ATPAF1: variants seen among roughly 807,000 people sequenced by gnomAD.
ATPAF1 encodes the protein homolog of yeast ATP11.
In ATPAF1, 26 loss-of-function variants were observed where a neutral mutation model predicts 43.9. That is an observed-to-expected ratio of 0.59 (90% confidence interval 0.43 to 0.82). The LOEUF is 0.82. Ranked by LOEUF, ATPAF1 falls within the 40% of genes least tolerant of loss-of-function variation. The probability of loss-of-function intolerance (pLI) is 0.00; values close to 1 mark genes in which losing one functional copy is unlikely to be tolerated. For synonymous variants in ATPAF1, 157 were observed against 168.0 expected, an observed-to-expected ratio of 0.93 and a Z score of 0.50; for missense variants, 366 against 435.0, an observed-to-expected ratio of 0.84 and a Z score of 1.41.
rs764433291 is a variant in ATPAF1, at chr1:46,635,831, TC to T, written c.931del (p.Glu311SerfsTer9). On this transcript the variant is annotated frameshift_variant, in exon 9 of 9. Transcript: ENST00000574428. LOFTEE classifies it high-confidence loss of function. ...CAGTTCTGCTCCAAGTCCGCTTTGCTCCAATTCAGCGATGACAGACATATAT... is the reference window on the plus strand; with the variant it reads ...CAGTTCTGCTCCAAGTCCGCTTTGCTCAATTCAGCGATGACAGACATATAT... The T allele has an allele frequency of 6.2e-7, 1 of 1,614,234 alleles. No individual in the cohort carries two copies. Among genetic ancestry groups the T allele is most frequent in the Non-Finnish European group, 8.5e-7 (1 of 1,180,046 alleles).
downstream of ATPAF1, chr1:46,632,944 G>C (rs1321695955): frequency 6.6e-6 from 1 of 152,552 alleles, no homozygotes; most frequent in Non-Finnish European, 1.5e-5. Flanking sequence ...AAAGAACAGA[G>C]GAACCTAAAT....
intron 7 of ATPAF1, among the ~76,000 whole-genome samples, chr1:46,643,738 C>A (rs1675989358): frequency 6.6e-6 from 1 of 152,166 alleles, no homozygotes. Context: ...GTAGCAGGAG[C>A]TGCAGAGTTT....
chr1:46,668,117 G>C lies in ATPAF1; in HGVS notation c.206C>G (p.Ala69Gly), dbSNP rs1483123653. 1 of 1,440,722 alleles carries C rather than the reference G, an allele frequency of 6.9e-7. No homozygotes were observed. Among genetic ancestry groups the C allele is most frequent in the South Asian group, 1.4e-5 (1 of 70,940 alleles). The allele number at this position is 1,440,722 out of a possible 1,614,324, so 89.2% of individuals were successfully genotyped here. A position where few individuals can be genotyped will look rare whatever the true frequency, so the allele number is the denominator to read the frequency against. Residue 69 changes from alanine to glycine, a missense_variant, in exon 1 of 9, where the codon GCC becomes GGC. Coordinates refer to ENST00000574428, the Ensembl canonical transcript of ATPAF1. The surrounding 1 kb of genome is among the most constrained non-coding windows in gnomAD (Gnocchi z 4.4). ...GTAGAAAGGGTTGGCCTGGAGCTCGGCCTCGGCCCCGACCCCGCTGCTGTC... is the reference window on the plus strand; with the variant it reads ...GTAGAAAGGGTTGGCCTGGAGCTCGCCCTCGGCCCCGACCCCGCTGCTGTC...
At chr1:46,668,518 C>T (rs1188748743), upstream of ATPAF1, 2 of 654,230 alleles carry the variant, frequency 3.1e-6, no homozygotes, top group Non-Finnish European at 4.0e-6. This position sits in a 1 kb window ranked among gnomAD's most constrained non-coding sequence, Gnocchi z 4.4. Flanking sequence ...CGGCACTGCG[C>T]GCTCTCGCCG....
chr1:46,633,938 T>C (rs1215125233), downstream of ATPAF1: 2 of 430,450 alleles, frequency 4.6e-6, no homozygotes, highest in African/African-American at 4.1e-5. Context: ...TTAATGAAAA[T>C]GGCAGGGCAG....
At chr1:46,635,499 CTGTCTTGTAG>C in exon 9 of ATPAF1, 1 of 412,138 alleles carries the variant, frequency 2.4e-6, no homozygotes, top group East Asian at 3.9e-5. Context: ...ATCAAGTCAA[CTGTCTTGTAG>C]GTCCTTGGCT....
intron 2 of ATPAF1, among the ~76,000 whole-genome samples, chr1:46,663,545 A>AT (rs1397246622): frequency 2.0e-5 from 3 of 151,774 alleles, no homozygotes; most frequent in Non-Finnish European, 4.4e-5. Context: ...GATGATGAGC[A>AT]TTTTTTCATG....
At chr1:46,656,067 G>A (rs1676266510) in intron 4 of ATPAF1, among the ~76,000 whole-genome samples, 1 of 152,192 alleles carries the variant, frequency 6.6e-6, no homozygotes, top group African/African-American at 2.4e-5. Flanking sequence ...TAAGAAACAT[G>A]TAATCTAAAA....
intron 6 of ATPAF1, 119 bp downstream of exon 6, chr1:46,652,462 T>G (rs1350917448): frequency 2.0e-6 from 2 of 996,182 alleles, no homozygotes; most frequent in African/African-American, 3.3e-5. Context: ...GTGAGCATCT[T>G]TATTAAGTAA....
At chr1:46,636,930 G>A (rs1040257768) in intron 8 of ATPAF1, among the ~76,000 whole-genome samples, 1 of 152,132 alleles carries the variant, frequency 6.6e-6, no homozygotes, top group Admixed American at 6.5e-5. Context: ...ATGTGAGTGG[G>A]GCTGGATGCA....
At chr1:46,654,561 G>A (rs647047) in intron 4 of ATPAF1, among the ~76,000 whole-genome samples, 57,775 of 120,710 alleles carry the variant, frequency 0.48, 12,913 homozygotes, top group East Asian at 0.77. Flanking sequence ...TATTATTATT[G>A]TACTTTAAGT....
At chr1:46,632,942 G>A (rs1332941803), downstream of ATPAF1, 1 of 152,638 alleles carries the variant, frequency 6.6e-6, no homozygotes, top group Non-Finnish European at 1.5e-5. Context: ...ACAAAGAACA[G>A]AGGAACCTAA....
chr1:46,665,654 G>T, intron 1 of ATPAF1: 1 of 1,534,664 alleles, frequency 6.5e-7, no homozygotes, highest in Non-Finnish European at 8.7e-7. Flanking sequence ...TACATTCAGG[G>T]TACTTAGAAT....
In ATPAF1 at chr1:46,643,844, T is replaced by C. The variant is rs1675990765; in HGVS notation, c.685-543A>G. On this transcript the variant is annotated intron_variant, in intron 7 of 8. Transcript: ENST00000574428. The stretch of plus-strand genomic sequence containing the variant: ...GAAGGATGGAAACACCATGATTTTA[T>C]GAAGAATGATCAGGGCAGTGGTTAC... Among the ~76,000 whole-genome samples, 4 of 152,134 alleles carry C rather than the reference T, an allele frequency of 2.6e-5. No individual in the cohort carries two copies. The South Asian group carries it at 8.3e-4, about 31-fold the overall frequency.
downstream of ATPAF1, chr1:46,633,761 T>TC (rs201606021): frequency 0.014 from 6,373 of 456,268 alleles, 75 homozygotes; most frequent in Middle Eastern, 0.021. Flanking sequence ...TACTCCTTTT[T>TC]CCATCATTTC....
intron 1 of ATPAF1, chr1:46,666,359 C>G (rs1557430556): frequency 6.6e-6 from 1 of 152,444 alleles, no homozygotes; most frequent in Non-Finnish European, 1.5e-5. Context: ...GGGGGCTGTA[C>G]CAGGACCAGG....
At chr1:46,635,746 C>A in exon 9 of ATPAF1, 1 of 1,590,954 alleles carries the variant, frequency 6.3e-7, no homozygotes, top group Non-Finnish European at 8.6e-7. Context: ...AGGGCTGAGT[C>A]AACTAGGTGA....
chr1:46,667,348 C>T (rs2148829120), intron 1 of ATPAF1, among the ~76,000 whole-genome samples: 1 of 152,314 alleles, frequency 6.6e-6, no homozygotes, highest in African/African-American at 2.4e-5. Context: ...TAATTTTCAC[C>T]TCTGATCTCC....
chr1:46,645,346 C>T lies in ATPAF1; in HGVS notation c.589-90G>A. On this transcript the variant is annotated intron_variant, in intron 6 of 8. Transcript: ENST00000574428. ...ACCTGTAACATTCATTCCATTTCCTCCATATTTGGTTTTTAAAATATTTTT... is the reference window on the plus strand; with the variant it reads ...ACCTGTAACATTCATTCCATTTCCTTCATATTTGGTTTTTAAAATATTTTT... 5.6e-6 allele frequency: 6 copies of T among 1,073,134 alleles called. No individual in the cohort carries two copies. The South Asian group carries it at 8.2e-5, about 15-fold the overall frequency. The allele number at this position is 1,073,134 out of a possible 1,614,324, so 66.5% of individuals were successfully genotyped here. A position where few individuals can be genotyped will look rare whatever the true frequency, so the allele number is the denominator to read the frequency against.
Sources: gnomAD v4.1 joint callset for allele counts (sites outside exome capture counted in the v4.1 genomes callset) on GRCh38, gnomAD v4.1.1 for gene constraint, Gnocchi (gnomAD v3.1) non-coding constraint, MANE v1.5 for transcripts, NCBI Gene and HGNC (gene_info 2026-07-23, HGNC 2026-07-21) for gene names.